The following GLIS3 variants were observed in gnomAD, a reference collection of about 807,000 sequenced individuals.
The protein encoded by GLIS3 is GLIS family zinc finger 3.
Under a neutral mutation model 78.6 loss-of-function variants are expected in GLIS3, and 53 were observed. The ratio of observed to expected loss-of-function variants is 0.67; its 90% CI spans 0.54 to 0.85. The LOEUF is 0.85. Ranked by LOEUF, GLIS3 falls within the 40% of genes least tolerant of loss-of-function variation. The pLI, the probability that GLIS3 is intolerant of heterozygous loss-of-function variation, is 0.00. For synonymous variants in GLIS3, 684 were observed against 509.9 expected, an observed-to-expected ratio of 1.34 and a Z score of -4.60; for missense variants, 1,703 against 1,231.1, an observed-to-expected ratio of 1.38 and a Z score of -5.74.
At chr9:3,876,597 T>C (rs1056073398) in intron 8 of GLIS3, among the ~76,000 whole-genome samples, 3 of 130,908 alleles carry the variant, frequency 2.3e-5, no homozygotes, top group African/African-American at 9.0e-5. Flanking sequence ...CAAATGGTTC[T>C]GCAACAATAG....
At chr9:4,409,699 T>C in the GLIS3 span, among the ~76,000 whole-genome samples, 2 of 152,102 alleles carry the variant, frequency 1.3e-5, no homozygotes, top group Non-Finnish European at 2.9e-5. Flanking sequence ...AATTATTAAA[T>C]ATGGGTTGAA....
At chr9:4,346,363 G>C (rs112533312) in intron 2 of GLIS3, among the ~76,000 whole-genome samples, 43 of 149,632 alleles carry the variant, frequency 2.9e-4, no homozygotes, top group African/African-American at 1.1e-3. Context: ...TCAAAGCAGA[G>C]CGATGACTTT....
At chr9:4,139,340 A>AATGAATAC (rs1323041577) in intron 2 of GLIS3, among the ~76,000 whole-genome samples, 10 of 152,222 alleles carry the variant, frequency 6.6e-5, no homozygotes, top group Admixed American at 3.9e-4. Flanking sequence ...ATGAATAGGT[A>AATGAATAC]ATGAATACAA....
At chr9:4,238,398 T>C (rs1038267674) in intron 2 of GLIS3, among the ~76,000 whole-genome samples, 1 of 151,838 alleles carries the variant, frequency 6.6e-6, no homozygotes, top group African/African-American at 2.4e-5. Flanking sequence ...AATGAGAGAG[T>C]CTACCCACAT....
the GLIS3 span, among the ~76,000 whole-genome samples, chr9:4,449,985 G>C: frequency 6.6e-6 from 1 of 152,216 alleles, no homozygotes; most frequent in African/African-American, 2.4e-5. Context: ...CAAAGCTGGA[G>C]GGGGAATGAC....
At chr9:4,330,749 G>C (rs1234038254) in intron 2 of GLIS3, among the ~76,000 whole-genome samples, 1 of 151,620 alleles carries the variant, frequency 6.6e-6, no homozygotes, top group African/African-American at 2.4e-5. Flanking sequence ...GGAGGGAGTG[G>C]GAGCCCACTG....
chr9:4,058,825 C>T (rs553301268), intron 4 of GLIS3, among the ~76,000 whole-genome samples: 275 of 151,826 alleles, frequency 1.8e-3, no homozygotes, highest in Non-Finnish European at 3.1e-3. Flanking sequence ...CTAAAAAATA[C>T]AAAAAAATTA....
At chr9:4,400,127 AG>A in the GLIS3 span, among the ~76,000 whole-genome samples, 3 of 152,218 alleles carry the variant, frequency 2.0e-5, no homozygotes, top group East Asian at 5.8e-4. Flanking sequence ...TTTTCAACAC[AG>A]GAGGTACATG....
intron 9 of GLIS3, among the ~76,000 whole-genome samples, chr9:3,853,072 T>G (rs1431875861): frequency 6.6e-6 from 1 of 151,968 alleles, no homozygotes; most frequent in Non-Finnish European, 1.5e-5. Flanking sequence ...ATTAGCCAGG[T>G]GTGGTGGTGT....
chr9:4,264,167 T>C (rs1171574762), intron 2 of GLIS3, among the ~76,000 whole-genome samples: 1 of 152,220 alleles, frequency 6.6e-6, no homozygotes, highest in Non-Finnish European at 1.5e-5. Context: ...CTCAGGAAAT[T>C]GTATTGCCAT....
chr9:4,120,390 T>C (rs1235727912), intron 3 of GLIS3, among the ~76,000 whole-genome samples: 2 of 152,256 alleles, frequency 1.3e-5, no homozygotes, highest in Non-Finnish European at 2.9e-5. Context: ...GCCCTTGACA[T>C]AGATTTTCCT....
chr9:4,431,844 G>GAAAAA, the GLIS3 span, among the ~76,000 whole-genome samples: 2 of 73,060 alleles, frequency 2.7e-5, no homozygotes, highest in African/African-American at 5.8e-5. Context: ...AACTCCATCT[G>GAAAAA]AAAAAAAAAA....
At chr9:4,372,301 A>C in the GLIS3 span, among the ~76,000 whole-genome samples, 1 of 152,222 alleles carries the variant, frequency 6.6e-6, no homozygotes, top group Non-Finnish European at 1.5e-5. Flanking sequence ...TTTATTTTTT[A>C]ACCAGGTTGT....
intron 2 of GLIS3, among the ~76,000 whole-genome samples, chr9:4,151,585 A>T (rs780037721): frequency 5.9e-5 from 9 of 152,168 alleles, no homozygotes; most frequent in Non-Finnish European, 1.0e-4. Context: ...CTCTAAGGCT[A>T]TTATTTCTTG....
the GLIS3 span, among the ~76,000 whole-genome samples, chr9:4,391,684 A>G: frequency 6.6e-6 from 1 of 152,196 alleles, no homozygotes; most frequent in Non-Finnish European, 1.5e-5. Context: ...TAAGAGCAGG[A>G]AATTCAGATA....
intron 4 of GLIS3, among the ~76,000 whole-genome samples, chr9:4,086,410 A>G (rs898071884): frequency 7.2e-5 from 11 of 152,234 alleles, no homozygotes; most frequent in African/African-American, 2.7e-4. Flanking sequence ...AACTTTATGT[A>G]TATCATACTG....
At chr9:4,318,095 A>T (rs1376366185) in intron 2 of GLIS3, among the ~76,000 whole-genome samples, 2 of 152,230 alleles carry the variant, frequency 1.3e-5, no homozygotes, top group African/African-American at 4.8e-5. Context: ...GAAAGGAGGA[A>T]GCATGCTTTA....
the GLIS3 span, among the ~76,000 whole-genome samples, chr9:4,455,726 A>G: frequency 1.3e-5 from 2 of 152,234 alleles, no homozygotes; most frequent in African/African-American, 4.8e-5. Context: ...TGAAAGGCAT[A>G]CTGTGGGGAT....
rs536202489 is a variant in GLIS3, at chr9:4,049,495, C to A, written c.1710+68273G>T. On this transcript the variant is annotated intron_variant, in intron 4 of 10. Transcript: ENST00000381971. Reference sequence around the variant, plus strand: ...TGCAACTACTGCCAATGCCCACAGCCCACAGATGCCGGCAGGAGTGTCGTG... The same window carrying A: ...TGCAACTACTGCCAATGCCCACAGCACACAGATGCCGGCAGGAGTGTCGTG... Among the ~76,000 whole-genome samples, 29 of 152,282 alleles carry A rather than the reference C, an allele frequency of 1.9e-4. No homozygotes were observed. The South Asian group carries it at 5.0e-3, about 26-fold the overall frequency.
Sources: allele counts gnomAD v4.1 joint callset (sites outside exome capture counted in the v4.1 genomes callset), GRCh38; gene constraint gnomAD v4.1.1; transcripts MANE v1.5; gene names NCBI Gene and HGNC (gene_info 2026-07-23, HGNC 2026-07-21).